The following PGBD2 variants were observed in gnomAD, a reference collection of about 807,000 sequenced individuals.
PGBD2 encodes piggyBac transposable element derived 2.
Under a neutral mutation model 8.1 loss-of-function variants are expected in PGBD2, and 6 were observed. That is an observed-to-expected ratio of 0.74 (90% CI 0.40 to 1.46). The LOEUF (loss-of-function observed/expected upper bound fraction) is 1.46, where lower values mean the gene tolerates loss of function less well. PGBD2 is among the 40% of genes most tolerant of loss of function. The pLI is 0.02. For missense variants in PGBD2, 802 were observed against 739.0 expected, an observed-to-expected ratio of 1.09 and a Z score of -0.99; for synonymous variants, 318 against 272.2, an observed-to-expected ratio of 1.17 and a Z score of -1.66.
At chr1:248,901,103 A>G in the PGBD2 span, among the ~76,000 whole-genome samples, 1 of 152,254 alleles carries the variant, frequency 6.6e-6, no homozygotes, top group African/African-American at 2.4e-5. Context: ...GACACAAACA[A>G]ATGGGAAAAC....
At chr1:248,928,459 A>G in the PGBD2 span, among the ~76,000 whole-genome samples, 39 of 152,314 alleles carry the variant, frequency 2.6e-4, no homozygotes, top group African/African-American at 8.2e-4. Flanking sequence ...GCTCTAATAT[A>G]GCTGTGACCC....
the PGBD2 span, among the ~76,000 whole-genome samples, chr1:248,883,584 C>CTTTTTTTTTTTTT: frequency 2.1e-3 from 183 of 89,136 alleles, 3 homozygotes; most frequent in African/African-American, 6.5e-3. Flanking sequence ...TTTTTTTTTT[C>CTTTTTTTTTTTTT]TTTTTTTTTT....
chr1:248,913,907 T>C (rs774174031), intron 2 of PGBD2, 28 bp downstream of exon 2: 18 of 1,591,984 alleles, frequency 1.1e-5, no homozygotes, highest in Middle Eastern at 1.7e-4. Flanking sequence ...TCAAATGTTT[T>C]ATTGAAGAAT....
downstream of PGBD2, among the ~76,000 whole-genome samples, chr1:248,923,593 A>C (rs758310287): frequency 2.0e-5 from 3 of 152,282 alleles, no homozygotes; most frequent in Admixed American, 6.5e-5. Context: ...CCTGTTAAAC[A>C]GAAAATAATC....
At chr1:248,903,224 G>T (rs1373915703), upstream of PGBD2, among the ~76,000 whole-genome samples, 1 of 151,936 alleles carries the variant, frequency 6.6e-6, no homozygotes, top group Non-Finnish European at 1.5e-5. Context: ...TTAGAGACAG[G>T]GTCTCATTCT....
chr1:248,883,621 T>C, the PGBD2 span, among the ~76,000 whole-genome samples: 2 of 131,670 alleles, frequency 1.5e-5, no homozygotes, highest in African/African-American at 3.0e-5. Context: ...AGAGTCTTGC[T>C]CCTGTCGCCT....
intron 2 of PGBD2, 86 bp downstream of exon 2, chr1:248,913,965 C>T: frequency 8.7e-7 from 1 of 1,150,394 alleles, no homozygotes; most frequent in Non-Finnish European, 1.3e-6. Flanking sequence ...ATTTTTAGCT[C>T]TTGGCCTCAG....
At chr1:248,907,848 TTA>T (rs1340431459) in intron 1 of PGBD2, among the ~76,000 whole-genome samples, 1 of 152,250 alleles carries the variant, frequency 6.6e-6, no homozygotes, top group Non-Finnish European at 1.5e-5. Flanking sequence ...ATGGAATTTC[TTA>T]TGTCTTCCCT....
At chr1:248,924,054 G>A (rs1662338349), downstream of PGBD2, among the ~76,000 whole-genome samples, 3 of 152,224 alleles carry the variant, frequency 2.0e-5, no homozygotes, top group Admixed American at 6.5e-5. Context: ...CCACCCAGCT[G>A]GGGTGAATCT....
chr1:248,903,574 A>G (rs567130814), upstream of PGBD2, among the ~76,000 whole-genome samples: 1 of 152,262 alleles, frequency 6.6e-6, no homozygotes, highest in East Asian at 1.9e-4. Flanking sequence ...AATGCATGCC[A>G]CCTCCATATC....
the PGBD2 span, among the ~76,000 whole-genome samples, chr1:248,893,914 GTTAA>G: frequency 6.6e-6 from 1 of 151,620 alleles, no homozygotes; most frequent in Non-Finnish European, 1.5e-5. Flanking sequence ...TTTCTTTTTT[GTTAA>G]TTGATTGATT....
chr1:248,922,410 C>A (rs879301087), downstream of PGBD2, among the ~76,000 whole-genome samples: 2 of 152,138 alleles, frequency 1.3e-5, no homozygotes, highest in Non-Finnish European at 2.9e-5. Flanking sequence ...AAACAGAGAC[C>A]ATTTGACTTC....
chr1:248,873,031 G>T, the PGBD2 span, among the ~76,000 whole-genome samples: 1 of 151,802 alleles, frequency 6.6e-6, no homozygotes, highest in Non-Finnish European at 1.5e-5. Context: ...GATTGTGCTG[G>T]TCATCTCCTT....
intron 1 of PGBD2, among the ~76,000 whole-genome samples, chr1:248,911,752 C>G (rs548725144): frequency 6.6e-6 from 1 of 150,420 alleles, no homozygotes; most frequent in Admixed American, 6.6e-5. Flanking sequence ...GGGGGGCTGA[C>G]CCCCCCACCT....
upstream of PGBD2, among the ~76,000 whole-genome samples, chr1:248,903,872 C>G (rs1661575858): frequency 6.6e-6 from 1 of 152,140 alleles, no homozygotes; most frequent in Non-Finnish European, 1.5e-5. Context: ...TAGTCAGCAA[C>G]TTGTAGCTGA....
chr1:248,913,828 T>A lies in PGBD2; in HGVS notation c.-35T>A. 6.3e-7 allele frequency: 1 copy of A among 1,583,566 alleles called. No homozygotes were observed. The highest frequency in any genetic ancestry group is 8.7e-7 in the Non-Finnish European group (1 of 1,152,178). On this transcript the variant is annotated 5_prime_UTR_variant, in exon 2 of 3. Transcript: ENST00000329291. ...TCTTGTCTTACAGGTTCTTAGACTC[T>A]GTGAGTAAAGACAGCTTCATCTTCC...
rs375761294 is a variant in PGBD2, at chr1:248,916,655, T to C, written c.71T>C (p.Leu24Pro). 2.5e-6 allele frequency: 4 copies of C among 1,614,032 alleles called. No homozygotes were observed. The highest frequency in any genetic ancestry group is 3.4e-6 in the Non-Finnish European group (4 of 1,180,016). The change falls in exon 3 of 3, where the codon CTT (leucine) becomes CCT (proline). Residue 24 changes from leucine (L) to proline (P), a missense_variant. Leu to Pro is a moderately conservative substitution (Grantham distance 98). Transcript: ENST00000329291. ...TCAAAGGTGAAGTCTGCAAAGCTGC[T>C]TGAGGTTCTGAATGCTATGGAGGAG... Reference protein sequence around the residue: ...IHSKVKSAKLLEVLNAMEEEE... With the variant: ...IHSKVKSAKLPEVLNAMEEEE...
the PGBD2 span, among the ~76,000 whole-genome samples, chr1:248,892,275 CTT>C: frequency 4.5e-5 from 6 of 132,468 alleles, no homozygotes; most frequent in East Asian, 2.2e-4. Context: ...CCCTCCCTCC[CTT>C]CCTTCCTTCC....
upstream of PGBD2, among the ~76,000 whole-genome samples, chr1:248,905,480 C>T (rs1159222995): frequency 2.0e-5 from 3 of 152,158 alleles, no homozygotes; most frequent in Non-Finnish European, 2.9e-5. Context: ...TTTGTCATAA[C>T]TAGAGTGGAG....
Sources: gnomAD v4.1 joint callset for allele counts (sites outside exome capture counted in the v4.1 genomes callset) on GRCh38, gnomAD v4.1.1 for gene constraint, MANE v1.5 for transcripts, NCBI Gene and HGNC (gene_info 2026-07-23, HGNC 2026-07-21) for gene names.